The following TADA2A variants were observed in gnomAD, a reference collection of about 807,000 sequenced individuals.
TADA2A encodes the protein transcriptional adaptor 2A.
TADA2A carries 38 observed loss-of-function variants against 67.4 expected under a neutral mutation model. The ratio of observed to expected loss-of-function variants is 0.56; its 90% CI spans 0.44 to 0.74. The LOEUF is 0.74. TADA2A is among the 30% of genes least tolerant of loss of function. TADA2A has a pLI of 0.00. For missense variants in TADA2A, 454 were observed against 547.0 expected (o/e 0.83, Z 1.70); for synonymous variants, 192 against 181.6 (o/e 1.06, Z -0.46).
chr17:37,434,753 A>G (rs189328071), intron 4 of TADA2A, among the ~76,000 whole-genome samples: 3 of 152,236 alleles, frequency 2.0e-5, no homozygotes, highest in African/African-American at 4.8e-5. Context: ...GGAAACAGAA[A>G]AGATGATTAC....
chr17:37,407,502 T>C (rs904718761), intron 1 of TADA2A: 2 of 152,234 alleles, frequency 1.3e-5, no homozygotes, highest in African/African-American at 4.8e-5. Context: ...TCCCGGTAAC[T>C]GATTCGAATT....
chr17:37,409,638 G>A (rs1319075073), intron 1 of TADA2A, among the ~76,000 whole-genome samples: 6 of 150,898 alleles, frequency 4.0e-5, no homozygotes, highest in Non-Finnish European at 7.4e-5. Flanking sequence ...CTGGTGGCCC[G>A]CGCCTGTAAT....
At chr17:37,464,339 G>A (rs1400896605) in intron 10 of TADA2A, among the ~76,000 whole-genome samples, 1 of 152,218 alleles carries the variant, frequency 6.6e-6, no homozygotes. Flanking sequence ...CTTGCTTGAG[G>A]ATGTGTAGGT....
In TADA2A at chr17:37,477,864, G is replaced by C. The variant is rs945601504; in HGVS notation, c.*882G>C. 6.6e-6 allele frequency: 1 copy of C among 152,108 alleles called. No individual in the cohort carries two copies. Among genetic ancestry groups the C allele is most frequent in the Non-Finnish European group, 1.5e-5 (1 of 68,094 alleles). 9.4% of individuals were successfully genotyped at this position (152,108 alleles called of 1,614,324 possible). Reference sequence around the variant, plus strand: ...TTCGGCCGGGCAAGGTGGCTCACCTGTAATCCCAGCACTTTGGGAGGCTAA... The same window carrying C: ...TTCGGCCGGGCAAGGTGGCTCACCTCTAATCCCAGCACTTTGGGAGGCTAA... On this transcript the variant is annotated 3_prime_UTR_variant, in exon 16 of 16. Coordinates refer to ENST00000615182, the MANE Select transcript of TADA2A (RefSeq NM_001166105.3).
chr17:37,463,442 A>G (rs1412893704), intron 10 of TADA2A, among the ~76,000 whole-genome samples: 1 of 151,880 alleles, frequency 6.6e-6, no homozygotes, highest in Non-Finnish European at 1.5e-5. Context: ...GTGTCTTTTT[A>G]GTGTAAATAA....
At chr17:37,412,046 T>C (rs944087513) in intron 2 of TADA2A, among the ~76,000 whole-genome samples, 13 of 149,688 alleles carry the variant, frequency 8.7e-5, no homozygotes, top group South Asian at 4.2e-4. Context: ...CCGTCTCCAG[T>C]AAAAAATAAA....
chr17:37,414,621 C>T (rs187119220), intron 2 of TADA2A, among the ~76,000 whole-genome samples: 4 of 152,246 alleles, frequency 2.6e-5, no homozygotes, highest in African/African-American at 9.6e-5. Context: ...TGCACATTTA[C>T]GTACACATAT....
chr17:37,427,841 G>A (rs2052453129), intron 4 of TADA2A, among the ~76,000 whole-genome samples: 1 of 152,094 alleles, frequency 6.6e-6, no homozygotes, highest in African/African-American at 2.4e-5. Context: ...AATTAGCTGA[G>A]TGTGGTGATG....
In TADA2A at chr17:37,474,584, C is replaced by G. The variant is rs752587220; in HGVS notation, c.1101C>G (p.Leu367=). The G allele has an allele frequency of 1.2e-6, 2 of 1,613,698 alleles. No homozygotes were observed. The change falls in exon 15 of 16, where the codon CTC becomes CTG. Residue 367 remains leucine, a synonymous_variant. Coordinates refer to ENST00000615182, the MANE Select transcript of TADA2A (RefSeq NM_001166105.3). ...SGRRSAPPLN[L]TGLPGTEKLN... ...GACGGAGTGCACCACCCTTGAACCT[C>G]ACTGGCCTCCCTGGCACAGAGAAGC...
chr17:37,471,633 G>A (rs904136640), intron 14 of TADA2A, among the ~76,000 whole-genome samples: 9 of 151,564 alleles, frequency 5.9e-5, no homozygotes, highest in Admixed American at 3.9e-4. Context: ...CCAGCCTCCC[G>A]AACAGCTGGG....
intron 3 of TADA2A, 53 bp downstream of exon 3, chr17:37,423,668 A>G: frequency 7.3e-7 from 1 of 1,363,344 alleles, no homozygotes; most frequent in Admixed American, 2.1e-5. Flanking sequence ...ATTTTTTATG[A>G]TGTAATATTT....
chr17:37,413,795 A>G (rs1440658242), intron 2 of TADA2A, among the ~76,000 whole-genome samples: 1 of 151,320 alleles, frequency 6.6e-6, no homozygotes, highest in Non-Finnish European at 1.5e-5. Flanking sequence ...TTTACTAGTT[A>G]GCATTTTTAG....
At chr17:37,425,980 A>G (rs2052393620) in intron 3 of TADA2A, among the ~76,000 whole-genome samples, 1 of 151,408 alleles carries the variant, frequency 6.6e-6, no homozygotes, top group South Asian at 2.1e-4. Flanking sequence ...AAAAAAATAA[A>G]GAATTTTTTT....
In TADA2A at chr17:37,440,644, A is replaced by C. The variant is rs78395792; in HGVS notation, c.424A>C (p.Thr142Pro). 6.2e-7 allele frequency: 1 copy of C among 1,614,196 alleles called. No individual in the cohort carries two copies. Among genetic ancestry groups the C allele is most frequent in the Non-Finnish European group, 8.5e-7 (1 of 1,180,032 alleles). The change falls in exon 6 of 16, where the codon ACA becomes CCA. Residue 142 changes from threonine to proline, a missense_variant. By Grantham distance (38) the Thr-to-Pro change is conservative. Transcript: ENST00000615182. ...AGCAGAGGAAGCAAAAACTGCTGAC[A>C]CAGCCATTCCATTTCACTGTAAGTG... ...KQAEEAKTAD[T>P]AIPFHSTDDP...
chr17:37,471,080 C>G lies in TADA2A; in HGVS notation c.1029-14C>G, dbSNP rs769979952. The G allele has an allele frequency of 9.1e-5, 147 of 1,614,018 alleles. No individual in the cohort carries two copies. Among genetic ancestry groups the G allele is most frequent in the Non-Finnish European group, 1.2e-4 (141 of 1,179,988 alleles). On this transcript the variant is annotated splice_polypyrimidine_tract_variant and intron_variant, in intron 13 of 15. Transcript: ENST00000615182. Reference sequence around the variant, plus strand: ...TGATATGACCTAAGTTTAAATTCCTCTTCTTCGTTGTAGTGATTCCGGCCT... The same window carrying G: ...TGATATGACCTAAGTTTAAATTCCTGTTCTTCGTTGTAGTGATTCCGGCCT...
chr17:37,435,118 T>C (rs896165540), intron 4 of TADA2A, among the ~76,000 whole-genome samples: 2 of 152,168 alleles, frequency 1.3e-5, no homozygotes, highest in African/African-American at 4.8e-5. Context: ...TGGTGGCACA[T>C]GCTTGTAATC....
intron 8 of TADA2A, among the ~76,000 whole-genome samples, chr17:37,448,941 TTAG>T (rs1163084951): frequency 6.6e-6 from 1 of 152,212 alleles, no homozygotes; most frequent in African/African-American, 2.4e-5. Flanking sequence ...CCTTTAACAA[TTAG>T]TAGAGCAGAG....
chr17:37,435,428 A>G (rs2052694929), intron 4 of TADA2A, among the ~76,000 whole-genome samples: 1 of 152,042 alleles, frequency 6.6e-6, no homozygotes, highest in Non-Finnish European at 1.5e-5. Context: ...AGCTGGGACT[A>G]CAGGCACCTG....
In TADA2A at chr17:37,429,487, G is replaced by A. The variant is rs1220450265; in HGVS notation, c.192+2478G>A. Among the ~76,000 whole-genome samples the A allele has an allele frequency of 4.0e-5, 6 of 151,346 alleles. No homozygotes were observed. The South Asian group carries it at 6.3e-4, about 16-fold the overall frequency. On this transcript the variant is annotated intron_variant, in intron 4 of 15. Transcript: ENST00000615182. ...AATAGAGACAGGGTTTCTCCATGTTGCCCAGGCAGGTCTCGAACTCAGGGG... is the reference window on the plus strand; with the variant it reads ...AATAGAGACAGGGTTTCTCCATGTTACCCAGGCAGGTCTCGAACTCAGGGG...
Sources: gnomAD v4.1 joint callset for allele counts (sites outside exome capture counted in the v4.1 genomes callset) on GRCh38, gnomAD v4.1.1 for gene constraint, MANE v1.5 for transcripts, NCBI Gene and HGNC (gene_info 2026-07-23, HGNC 2026-07-21) for gene names.